The following ZNF175 variants were observed in gnomAD, a reference collection of about 807,000 sequenced individuals.
The protein encoded by ZNF175 is zinc finger protein 175.
Under a neutral mutation model 14.0 loss-of-function variants are expected in ZNF175, and 8 were observed. The observed-to-expected ratio is 0.57, with a 90% confidence interval of 0.34 to 1.03. ZNF175 has a LOEUF of 1.03. ZNF175 is among the 50% of genes least tolerant of loss of function. The pLI is 0.03. For missense variants in ZNF175, 764 were observed against 849.5 expected, an observed-to-expected ratio of 0.90 and a Z score of 1.25; for synonymous variants, 255 against 296.8, an observed-to-expected ratio of 0.86 and a Z score of 1.45.
Position 51,587,933 on chromosome 19 carries a change from T to C in ZNF175, c.1602T>C (p.Ser534=). 3 of 1,614,162 alleles carry C rather than the reference T, an allele frequency of 1.9e-6. No individual in the cohort carries two copies. Among genetic ancestry groups the C allele is most frequent in the Non-Finnish European group, 2.5e-6 (3 of 1,180,010 alleles). Reference sequence around the variant, plus strand: ...CTGGAGAAAGACACCATGTATGCAGTGAATGCGGGAAAGCCTTCAACCAGA... The same window carrying C: ...CTGGAGAAAGACACCATGTATGCAGCGAATGCGGGAAAGCCTTCAACCAGA... ...IHTGERHHVC[S]ECGKAFNQKS... is the part of the protein sequence containing the mutation. The change falls in exon 5 of 5, where the codon AGT becomes AGC. Residue 534 remains serine (S), a synonymous_variant. Coordinates refer to ENST00000262259, the MANE Select transcript of ZNF175 (RefSeq NM_007147.4).
chr19:51,575,716 A>G (rs1253044705), intron 2 of ZNF175, among the ~76,000 whole-genome samples: 1 of 152,046 alleles, frequency 6.6e-6, no homozygotes, highest in East Asian at 1.9e-4. Flanking sequence ...TTTGGCATTT[A>G]CCTCCTAATC....
rs753181057 is a variant in ZNF175, at chr19:51,587,011, T to C, written c.680T>C (p.Val227Ala). The C allele has an allele frequency of 3.8e-5, 61 of 1,614,062 alleles. No individual in the cohort carries two copies. Among genetic ancestry groups the C allele is most frequent in the Non-Finnish European group, 5.2e-5 (61 of 1,180,010 alleles). The change falls in exon 5 of 5, where the codon GTT becomes GCT. Residue 227 changes from valine to alanine, a missense_variant. Physicochemically the swap from Val to Ala is moderately conservative, Grantham distance 64 (BLOSUM62 0). Coordinates refer to ENST00000262259, the MANE Select transcript of ZNF175 (RefSeq NM_007147.4). Reference protein sequence around the residue: ...SNDTEQLDDVVGSGQLFSHSS... With the variant: ...SNDTEQLDDVAGSGQLFSHSS... ...GACACAGAACAGCTTGATGACGTTG[T>C]TGGGTCTGGTCAGCTATTCAGCCAT...
chr19:51,575,747 T>G (rs1981757361), intron 2 of ZNF175, among the ~76,000 whole-genome samples: 1 of 152,220 alleles, frequency 6.6e-6, no homozygotes, highest in African/African-American at 2.4e-5. Context: ...ATGCTTATAT[T>G]GCTGCCTCTT....
At chr19:51,577,911 C>T (rs1194821578) in intron 2 of ZNF175, among the ~76,000 whole-genome samples, 3 of 151,446 alleles carry the variant, frequency 2.0e-5, no homozygotes, top group African/African-American at 4.8e-5. Flanking sequence ...GATCCGCCCG[C>T]CTTGGCCTCC....
chr19:51,573,046 T>C (rs1568571798), intron 1 of ZNF175, 104 bp from the exon 2 acceptor site: 2 of 398,082 alleles, frequency 5.0e-6, no homozygotes, highest in East Asian at 4.8e-5. Context: ...TTCTGAACTT[T>C]GTCTACTCCA....
At position 51,581,437 on chromosome 19, in the gene ZNF175, A is replaced by AG. The variant is rs143490927; in HGVS notation, c.120dup (p.Trp41ValfsTer21). On this transcript the variant is annotated frameshift_variant, in exon 3 of 5. Transcript: ENST00000262259. LOFTEE classifies it high-confidence loss of function. ...GTGACCGTGGACTTCAGCAGGGAGG[A>AG]GTGGCAGCAACTGGACCCTGCCCAG... is the stretch of plus-strand genomic sequence containing the variant. 1,549 of 1,614,062 alleles carry AG rather than the reference A, an allele frequency of 9.6e-4. 35 individuals carry two copies. The East Asian group carries it at 0.027, about 28-fold the overall frequency.
intron 1 of ZNF175, among the ~76,000 whole-genome samples, chr19:51,571,996 G>GCCTAGAACACTCA (rs1422053276): frequency 6.6e-6 from 1 of 152,186 alleles, no homozygotes. Context: ...GGCAGTGAGT[G>GCCTAGAACACTCA]TTGGGGTCCT....
chr19:51,579,343 T>A (rs1386233114), intron 2 of ZNF175, among the ~76,000 whole-genome samples: 1 of 149,584 alleles, frequency 6.7e-6, no homozygotes, highest in Non-Finnish European at 1.5e-5. Flanking sequence ...ATCGCTTGAG[T>A]CTGAGAGGCA....
chr19:51,573,322 G>T lies in ZNF175; in HGVS notation c.-8G>T. 6.2e-7 allele frequency: 1 copy of T among 1,613,146 alleles called. No individual in the cohort carries two copies. The highest frequency in any genetic ancestry group is 8.5e-7 in the Non-Finnish European group (1 of 1,179,626). On this transcript the variant is annotated 5_prime_UTR_variant, in exon 2 of 5. Transcript: ENST00000262259. Reference sequence around the variant, plus strand: ...AAGAGAGACCGAGAGTAGAAGCCCAGAGTGGAGATGCCTGCTGATGTGAAT... The same window carrying T: ...AAGAGAGACCGAGAGTAGAAGCCCATAGTGGAGATGCCTGCTGATGTGAAT...
rs1000865976 is a variant in ZNF175, at chr19:51,586,616, T to C, written c.296-11T>C. The stretch of plus-strand genomic sequence containing the variant: ...CATTGTGTCTATTTCATCTTCTCTT[T>C]CTCCTTTTAGAAAGGGAGTTTGGGC... On this transcript the variant is annotated splice_polypyrimidine_tract_variant and intron_variant, in intron 4 of 4. Coordinates refer to ENST00000262259, the MANE Select transcript of ZNF175 (RefSeq NM_007147.4). 1.3e-6 allele frequency: 2 copies of C among 1,572,894 alleles called. No homozygotes were observed. The highest frequency in any genetic ancestry group is 2.8e-5 in the African/African-American group (2 of 72,690).
In ZNF175 at chr19:51,581,858, G is replaced by A. The variant is rs746345922; in HGVS notation, c.271G>A (p.Glu91Lys). 3.9e-5 allele frequency: 63 copies of A among 1,613,690 alleles called. 1 individual carries two copies. The South Asian group carries it at 6.8e-4, about 17-fold the overall frequency. Residue 91 changes from glutamate (E) to lysine (K), a missense_variant, in exon 4 of 5, where the codon GAA becomes AAA. By Grantham distance (56) the Glu-to-Lys change is moderately conservative. Transcript: ENST00000262259. ...AAAGGAGCCGCGTGTGGAGGAGGCT[G>A]AAGTCTCACATCAGAGGTGTCAAGG... ...KEKEPRVEEA[E>K]VSHQRCQERE...
chr19:51,577,140 G>A (rs1275377518), intron 2 of ZNF175, among the ~76,000 whole-genome samples: 8 of 152,098 alleles, frequency 5.3e-5, no homozygotes, highest in Admixed American at 1.3e-4. Context: ...AAAATGTCAC[G>A]CCAAAAAGCA....
chr19:51,582,759 C>T (rs1057344822), intron 4 of ZNF175, among the ~76,000 whole-genome samples: 39 of 152,126 alleles, frequency 2.6e-4, no homozygotes, highest in African/African-American at 8.7e-4. Context: ...TTTTTTGCCC[C>T]TAATTTTATT....
At position 51,587,048 on chromosome 19, in the gene ZNF175, T is replaced by G. The variant is rs1291079622; in HGVS notation, c.717T>G (p.Asp239Glu). 6.2e-7 allele frequency: 1 copy of G among 1,614,234 alleles called. No individual in the cohort carries two copies. Among genetic ancestry groups the G allele is most frequent in the East Asian group, 2.2e-5 (1 of 44,890 alleles). The change falls in exon 5 of 5, where the codon GAT becomes GAG. Residue 239 changes from aspartate to glutamate, a missense_variant. Physicochemically the swap from Asp to Glu is conservative, Grantham distance 45. Coordinates refer to ENST00000262259, the MANE Select transcript of ZNF175 (RefSeq NM_007147.4). ...AGCTATTCAGCCATAGCTCTTCTGA[T>G]GCCTGCAGCAAGAATATTCATACAG... ...SGQLFSHSSS[D>E]ACSKNIHTGE... is the part of the protein sequence containing the mutation.
At chr19:51,574,456 C>T (rs562746680) in intron 2 of ZNF175, among the ~76,000 whole-genome samples, 3 of 152,306 alleles carry the variant, frequency 2.0e-5, no homozygotes, top group South Asian at 2.1e-4. Context: ...GGGCGGATCA[C>T]TTGAGCCCAG....
Position 51,589,740 on chromosome 19 carries a change from A to G in ZNF175, c.*1273A>G, listed in dbSNP as rs1982296646. On this transcript the variant is annotated 3_prime_UTR_variant, in exon 5 of 5. Transcript: ENST00000262259. The stretch of plus-strand genomic sequence containing the variant: ...GGAACACAGCCATGTTCATTTGGAC[A>G]TGTATTGTCTGGGCTTCTTTTGTGC... The G allele has an allele frequency of 1.7e-6, 1 of 597,056 alleles. No homozygotes were observed. Among genetic ancestry groups the G allele is most frequent in the Non-Finnish European group, 3.0e-6 (1 of 337,276 alleles). The allele number at this position is 597,056 out of a possible 1,614,324, so 37.0% of individuals were successfully genotyped here.
chr19:51,581,086 C>T (rs1981981078), intron 2 of ZNF175, among the ~76,000 whole-genome samples: 1 of 151,944 alleles, frequency 6.6e-6, no homozygotes, highest in Non-Finnish European at 1.5e-5. Flanking sequence ...ACTACAGCCT[C>T]ACATGTAGTT....
chr19:51,574,242 G>A (rs1478597867), intron 2 of ZNF175: 1 of 152,116 alleles, frequency 6.6e-6, no homozygotes, highest in African/African-American at 2.4e-5. Flanking sequence ...TCAGTAACCT[G>A]TTAAAATCAT....
intron 4 of ZNF175, among the ~76,000 whole-genome samples, chr19:51,584,019 T>C (rs1982093232): frequency 6.6e-6 from 1 of 152,248 alleles, no homozygotes; most frequent in Non-Finnish European, 1.5e-5. Flanking sequence ...TATTTCACAG[T>C]ATTTTAAAAG....
Sources: allele counts gnomAD v4.1 joint callset (sites outside exome capture counted in the v4.1 genomes callset), GRCh38; gene constraint gnomAD v4.1.1; transcripts MANE v1.5; gene names NCBI Gene and HGNC (gene_info 2026-07-23, HGNC 2026-07-21).